The following SLC35F1 variants were observed in gnomAD, a reference collection of about 807,000 sequenced individuals.
SLC35F1 encodes chromosome 6 open reading frame 169.
SLC35F1 carries 14 observed loss-of-function variants against 48.7 expected under a neutral mutation model. The observed-to-expected ratio is 0.29, with a 90% CI of 0.19 to 0.45. The LOEUF is 0.45. Among genes scored for constraint, SLC35F1 ranks in the 20% least tolerant of loss-of-function variants. The pLI is 1.00. For missense variants in SLC35F1, 404 were observed against 500.0 expected (o/e 0.81, Z 1.83); for synonymous variants, 190 against 202.2 (o/e 0.94, Z 0.51).
At chr6:118,289,350 G>A (rs1193968571) in intron 7 of SLC35F1, among the ~76,000 whole-genome samples, 3 of 152,138 alleles carry the variant, frequency 2.0e-5, no homozygotes, top group African/African-American at 7.2e-5. Context: ...TTATTTCTCA[G>A]AGATAAACAC....
At chr6:117,970,564 G>A (rs927515349) in intron 1 of SLC35F1, among the ~76,000 whole-genome samples, 1 of 152,144 alleles carries the variant, frequency 6.6e-6, no homozygotes, top group Admixed American at 6.6e-5. Flanking sequence ...CACTGTATTA[G>A]TCAATTTTCA....
chr6:118,293,484 G>T (rs1177859988), intron 7 of SLC35F1, among the ~76,000 whole-genome samples: 1 of 152,088 alleles, frequency 6.6e-6, no homozygotes, highest in East Asian at 1.9e-4. Flanking sequence ...GATAATTCAG[G>T]ATAATATCCT....
chr6:118,280,235 C>G (rs142118832), intron 6 of SLC35F1, among the ~76,000 whole-genome samples: 15 of 152,242 alleles, frequency 9.9e-5, no homozygotes, highest in African/African-American at 3.4e-4. Context: ...TTCTGGGGAG[C>G]AGGAATGTTA....
intron 3 of SLC35F1, among the ~76,000 whole-genome samples, chr6:118,254,249 C>A (rs1582754043): frequency 6.6e-6 from 1 of 152,186 alleles, no homozygotes; most frequent in Admixed American, 6.5e-5. Flanking sequence ...CAATAAATGT[C>A]TTTTGGATGA....
chr6:118,255,760 C>A (rs1264984563), intron 3 of SLC35F1, among the ~76,000 whole-genome samples: 3 of 151,762 alleles, frequency 2.0e-5, no homozygotes, highest in African/African-American at 7.3e-5. Flanking sequence ...TTTCTAAATC[C>A]AAAAAAATAG....
chr6:118,275,057 T>C (rs975694330), intron 4 of SLC35F1, among the ~76,000 whole-genome samples: 21 of 152,170 alleles, frequency 1.4e-4, no homozygotes, highest in Non-Finnish European at 2.5e-4. Context: ...GTGCCTGTAA[T>C]CTCAGCTACT....
chr6:118,070,974 A>G (rs1270707424), intron 1 of SLC35F1, among the ~76,000 whole-genome samples: 1 of 144,674 alleles, frequency 6.9e-6, no homozygotes, highest in African/African-American at 2.5e-5. Context: ...ATATATACAC[A>G]TAGTATATAT....
chr6:118,171,246 G>C (rs1353917482), intron 2 of SLC35F1, among the ~76,000 whole-genome samples: 1 of 152,006 alleles, frequency 6.6e-6, no homozygotes, highest in Non-Finnish European at 1.5e-5. Flanking sequence ...TGCCATGTTG[G>C]CTAGGCTGGT....
chr6:118,176,672 T>A (rs979738234), intron 2 of SLC35F1, among the ~76,000 whole-genome samples: 1 of 152,158 alleles, frequency 6.6e-6, no homozygotes, highest in Admixed American at 6.6e-5. Flanking sequence ...CAGTACATAT[T>A]GTTTTATGAC....
intron 1 of SLC35F1, among the ~76,000 whole-genome samples, chr6:118,148,533 T>A (rs550756352): frequency 2.0e-5 from 3 of 152,194 alleles, no homozygotes; most frequent in Non-Finnish European, 4.4e-5. Context: ...GTATTTAGCT[T>A]CCAGCAGCAC....
chr6:118,005,481 A>G (rs182119853), intron 1 of SLC35F1, among the ~76,000 whole-genome samples: 2 of 152,236 alleles, frequency 1.3e-5, no homozygotes, highest in East Asian at 3.9e-4. Flanking sequence ...GGGTGACTCT[A>G]GACATTCCCT....
chr6:118,073,230 T>C (rs1195457184), intron 1 of SLC35F1, among the ~76,000 whole-genome samples: 2 of 152,078 alleles, frequency 1.3e-5, no homozygotes, highest in Admixed American at 1.3e-4. Flanking sequence ...TAGAAAAAAA[T>C]GTATGAAATA....
intron 2 of SLC35F1, among the ~76,000 whole-genome samples, chr6:118,224,186 T>C (rs1018434790): frequency 2.0e-5 from 3 of 152,140 alleles, no homozygotes; most frequent in Admixed American, 1.3e-4. Context: ...CTTTGAAAAA[T>C]TTCAAATCAA....
intron 2 of SLC35F1, among the ~76,000 whole-genome samples, chr6:118,174,520 A>G (rs1330228187): frequency 6.6e-6 from 1 of 152,088 alleles, no homozygotes; most frequent in Non-Finnish European, 1.5e-5. Context: ...AGGAGAGGAG[A>G]GGAAGAAAAA....
Position 118,017,504 on chromosome 6 carries a change from A to T in SLC35F1, c.173+109605A>T, listed in dbSNP as rs147203054. Among the ~76,000 whole-genome samples the T allele has an allele frequency of 3.8e-3, 576 of 152,294 alleles. 3 individuals are homozygous for T. The highest frequency in any genetic ancestry group is 0.017 in the Middle Eastern group (5 of 294). ...GGCTACCATTCTTCAGTTTCTGCTG[A>T]CTGTGATATTCAGTGGGTAGTAAAA... On this transcript the variant is annotated intron_variant, in intron 1 of 7. Coordinates refer to ENST00000360388, the MANE Select transcript of SLC35F1 (RefSeq NM_001029858.4).
chr6:118,312,963 G>A (rs1378244184), intron 7 of SLC35F1, among the ~76,000 whole-genome samples: 1 of 152,056 alleles, frequency 6.6e-6, no homozygotes, highest in Admixed American at 6.6e-5. Flanking sequence ...TCAAGACTGG[G>A]ATATTAACTA....
At chr6:118,125,377 G>GC (rs1491217555) in intron 1 of SLC35F1, among the ~76,000 whole-genome samples, 5,406 of 36,750 alleles carry the variant, frequency 0.15, 139 homozygotes, top group Admixed American at 0.27. Context: ...ATGGTATTTT[G>GC]GGGGGGGGGA....
intron 2 of SLC35F1, among the ~76,000 whole-genome samples, chr6:118,192,647 C>G (rs1017371700): frequency 3.3e-5 from 5 of 152,106 alleles, no homozygotes; most frequent in African/African-American, 4.8e-5. Flanking sequence ...ATAGCATATA[C>G]TCAGACATAT....
intron 3 of SLC35F1, among the ~76,000 whole-genome samples, chr6:118,246,503 AC>A (rs1468090710): frequency 2.0e-5 from 3 of 152,300 alleles, no homozygotes; most frequent in Middle Eastern, 6.8e-3. Context: ...GACTGGCTCT[AC>A]CCCGTGACAG....
Sources: gnomAD v4.1 joint callset for allele counts (sites outside exome capture counted in the v4.1 genomes callset) on GRCh38, gnomAD v4.1.1 for gene constraint, MANE v1.5 for transcripts, NCBI Gene and HGNC (gene_info 2026-07-23, HGNC 2026-07-21) for gene names.